The following RGS22 variants were observed in gnomAD, a reference collection of about 807,000 sequenced individuals.
RGS22 encodes the protein regulator of G-protein signaling 22.
RGS22 carries 148 observed loss-of-function variants against 172.9 expected under a neutral mutation model. The ratio of observed to expected loss-of-function variants is 0.86; its 90% CI spans 0.75 to 0.98. RGS22 has a LOEUF of 0.98. Among genes scored for constraint, RGS22 ranks in the 50% least tolerant of loss-of-function variants. The pLI is 0.00. For synonymous variants in RGS22, 458 were observed against 480.2 expected (o/e 0.95, Z 0.60); for missense variants, 1,347 against 1,440.8 (o/e 0.93, Z 1.05).
intron 14 of RGS22, among the ~76,000 whole-genome samples, chr8:100,014,159 T>C (rs1474440932): frequency 6.6e-6 from 1 of 152,210 alleles, no homozygotes; most frequent in Non-Finnish European, 1.5e-5. Flanking sequence ...TCTTTTTGTT[T>C]CTCTGATGTC....
At chr8:100,059,867 T>C (rs1809968208) in intron 9 of RGS22, among the ~76,000 whole-genome samples, 1 of 152,220 alleles carries the variant, frequency 6.6e-6, no homozygotes, top group South Asian at 2.1e-4. Context: ...ATTATTTCTT[T>C]TTTAATTTTT....
At chr8:100,045,884 A>G (rs1468781787) in intron 11 of RGS22, among the ~76,000 whole-genome samples, 1 of 151,916 alleles carries the variant, frequency 6.6e-6, no homozygotes, top group African/African-American at 2.4e-5. Context: ...AGAGCAATGT[A>G]TAAGAATATC....
At chr8:100,039,835 T>C (rs1164664317) in intron 13 of RGS22, 127 bp downstream of exon 13, 1 of 508,708 alleles carries the variant, frequency 2.0e-6, no homozygotes, top group Non-Finnish European at 3.2e-6. Flanking sequence ...ATATTAAATA[T>C]GAATTTTCTT....
chr8:99,996,578 T>C, intron 19 of RGS22, 48 bp from the exon 20 acceptor site: 1 of 1,430,632 alleles, frequency 7.0e-7, no homozygotes, highest in Non-Finnish European at 9.8e-7. Flanking sequence ...GACTAAAGGC[T>C]TGAAATCATT....
At chr8:100,069,188 A>G (rs16897924) in intron 6 of RGS22, among the ~76,000 whole-genome samples, 2,948 of 152,330 alleles carry the variant, frequency 0.019, 77 homozygotes, top group African/African-American at 0.064. Flanking sequence ...TTCCTCTTGT[A>G]TGATAATTTT....
At chr8:100,078,359 C>T (rs1811511001) in intron 4 of RGS22, among the ~76,000 whole-genome samples, 1 of 151,510 alleles carries the variant, frequency 6.6e-6, no homozygotes, top group Non-Finnish European at 1.5e-5. Context: ...CTGCCTCAGC[C>T]TCCTAAAGCT....
intron 4 of RGS22, among the ~76,000 whole-genome samples, chr8:100,078,473 T>C (rs1811517891): frequency 6.6e-6 from 1 of 151,252 alleles, no homozygotes; most frequent in African/African-American, 2.4e-5. Flanking sequence ...ATTATTGATA[T>C]GGTTTGTTTA....
chr8:100,042,838 T>C (rs1473190792), intron 11 of RGS22: 2 of 152,220 alleles, frequency 1.3e-5, no homozygotes, highest in African/African-American at 2.4e-5. Flanking sequence ...ATTAACCTTC[T>C]AAGACTCCCT....
At position 100,053,108 on chromosome 8, in the gene RGS22, T is replaced by A. The variant is rs1412352656; in HGVS notation, c.1515-132A>T. The A allele has an allele frequency of 1.0e-5, 8 of 787,362 alleles. No homozygotes were observed. In the East Asian group the frequency reaches 2.0e-4, roughly 20 times the overall value. 48.8% of individuals were successfully genotyped at this position (787,362 alleles called of 1,614,324 possible). A position where few individuals can be genotyped will look rare whatever the true frequency, so the allele number is the denominator to read the frequency against. On this transcript the variant is annotated intron_variant, in intron 9 of 27. Coordinates refer to ENST00000360863, the MANE Select transcript of RGS22 (RefSeq NM_015668.5). Reference sequence around the variant, plus strand: ...TACCTCTTTTCTAACAACTTTTACTTCTTTCTCTACTACATAGCCTTGAAA... The same window carrying A: ...TACCTCTTTTCTAACAACTTTTACTACTTTCTCTACTACATAGCCTTGAAA...
At position 100,068,946 on chromosome 8, in the gene RGS22, AAAAG is replaced by A. The variant is rs1810741719; in HGVS notation, c.594+2419_594+2422del. Among the ~76,000 whole-genome samples, 4 of 93,230 alleles carry A rather than the reference AAAAG, an allele frequency of 4.3e-5. No individual in the cohort carries two copies. The South Asian group carries it at 9.7e-4, about 23-fold the overall frequency. The allele number at this position is 93,230 out of a possible 152,430, so 61.2% of individuals were successfully genotyped here. A position where few individuals can be genotyped will look rare whatever the true frequency, so the allele number is the denominator to read the frequency against. ...TGAGACCCTGTCTCAAAAAAAAAAA[AAAAG>A]AAAGAAGAAAAAATACTTAAAATCA... On this transcript the variant is annotated intron_variant, in intron 6 of 27. Transcript: ENST00000360863.
intron 2 of RGS22, among the ~76,000 whole-genome samples, chr8:100,099,481 T>C (rs1813294084): frequency 6.6e-6 from 1 of 152,216 alleles, no homozygotes; most frequent in African/African-American, 2.4e-5. Flanking sequence ...ACTTAAACTA[T>C]AAACTGCTTA....
intron 10 of RGS22, among the ~76,000 whole-genome samples, chr8:100,047,840 C>G (rs1164877893): frequency 6.6e-6 from 1 of 152,090 alleles, no homozygotes; most frequent in Non-Finnish European, 1.5e-5. Flanking sequence ...ATCCTTACTT[C>G]CACCATTGTG....
At chr8:100,055,206 G>A (rs988032206) in intron 9 of RGS22, among the ~76,000 whole-genome samples, 2 of 152,232 alleles carry the variant, frequency 1.3e-5, no homozygotes, top group Non-Finnish European at 2.9e-5. Flanking sequence ...GCAAGACCCA[G>A]TGATATGCTA....
chr8:100,047,364 A>C (rs1563663575), intron 11 of RGS22, 99 bp downstream of exon 11: 1 of 1,101,054 alleles, frequency 9.1e-7, no homozygotes, highest in Non-Finnish European at 1.3e-6. Flanking sequence ...CCATGTAAAA[A>C]TATCAAAGTA....
chr8:100,094,612 C>T, intron 2 of RGS22, among the ~76,000 whole-genome samples: 2 of 152,244 alleles, frequency 1.3e-5, no homozygotes, highest in Middle Eastern at 6.8e-3. Flanking sequence ...TAACAACAAA[C>T]TAAGGATTTA....
Position 99,981,998 on chromosome 8 carries a change from T to A in RGS22, c.3299A>T (p.Gln1100Leu). ...PALQIDIPVEQAQKIIEHRKE... is the reference protein window; with the variant it reads ...PALQIDIPVELAQKIIEHRKE... ...CCGGTGTTCAATAATCTTCTGGGCTTGCTCTACTGGAATGTCAATTTGTAA... is the reference window on the plus strand; with the variant it reads ...CCGGTGTTCAATAATCTTCTGGGCTAGCTCTACTGGAATGTCAATTTGTAA... The change falls in exon 22 of 28, where the codon CAA becomes CTA. Residue 1100 changes from glutamine (Q) to leucine (L), a missense_variant. Coordinates refer to ENST00000360863, the MANE Select transcript of RGS22 (RefSeq NM_015668.5). 1 of 1,614,104 alleles carries A rather than the reference T, an allele frequency of 6.2e-7. No homozygotes were observed. The highest frequency in any genetic ancestry group is 8.5e-7 in the Non-Finnish European group (1 of 1,179,966).
chr8:100,071,511 C>T lies in RGS22; in HGVS notation c.452G>A (p.Arg151Lys). The stretch of plus-strand genomic sequence containing the variant: ...GAAATTCATGCCGGACTTGCTCCAT[C>T]TTACTTGTGAGACCAATTTGGCTAA... ...YRLAKLVSQV[R>K]WSKSGMNFTV... The change falls in exon 6 of 28, where the codon AGA (arginine) becomes AAA (lysine). Residue 151 changes from arginine (R) to lysine (K), a missense_variant. Physicochemically the swap from Arg to Lys is conservative, Grantham distance 26 (BLOSUM62 2). Coordinates refer to ENST00000360863, the MANE Select transcript of RGS22 (RefSeq NM_015668.5). 1.2e-6 allele frequency: 2 copies of T among 1,607,804 alleles called. No individual in the cohort carries two copies. Among genetic ancestry groups the T allele is most frequent in the Non-Finnish European group, 1.7e-6 (2 of 1,177,752 alleles).
At chr8:100,064,157 C>T in intron 7 of RGS22, 114 bp from the exon 8 acceptor site, 1 of 747,952 alleles carries the variant, frequency 1.3e-6, no homozygotes, top group South Asian at 3.3e-5. Flanking sequence ...GTAGTGACTG[C>T]ATGGACCGGT....
chr8:99,996,701 A>G (rs1003498619), intron 19 of RGS22, among the ~76,000 whole-genome samples, 171 bp from the exon 20 acceptor site: 2 of 152,166 alleles, frequency 1.3e-5, no homozygotes, highest in Non-Finnish European at 2.9e-5. Flanking sequence ...TCAGGTACCA[A>G]ATTTTTCTGA....
Sources: gnomAD v4.1 joint callset for allele counts (sites outside exome capture counted in the v4.1 genomes callset) on GRCh38, gnomAD v4.1.1 for gene constraint, MANE v1.5 for transcripts, NCBI Gene and HGNC (gene_info 2026-07-23, HGNC 2026-07-21) for gene names.